Variants in TSHR observed in about 807,000 individuals in gnomAD.
TSHR encodes the protein thyroid stimulating hormone receptor, also known as thyrotropin receptor.
Under a neutral mutation model 64.1 loss-of-function variants are expected in TSHR, and 51 were observed. The ratio of observed to expected loss-of-function variants is 0.80; its 90% CI spans 0.64 to 1.01. TSHR has a LOEUF of 1.01. TSHR is among the 50% of genes least tolerant of loss of function. The pLI is 0.00. For synonymous variants in TSHR, 361 were observed against 361.9 expected (o/e 1.00, Z 0.03); for missense variants, 877 against 942.8 (o/e 0.93, Z 0.91).
chr14:81,052,016 G>C lies in TSHR; in HGVS notation c.171-10132G>C, dbSNP rs571958407. ...AGGTTTTCTTTTCACTCTGTTGATG[G>C]CTTCCTTTGCCATGCAAAAGATTTT... On this transcript the variant is annotated intron_variant, in intron 1 of 9. Coordinates refer to ENST00000298171, the MANE Select transcript of TSHR (RefSeq NM_000369.5). 5.9e-5 allele frequency: 9 copies of C among 152,158 alleles called. No individual in the cohort carries two copies. The South Asian group carries it at 1.0e-3, about 18-fold the overall frequency. The allele number at this position is 152,158 out of a possible 1,614,324, so 9.4% of individuals were successfully genotyped here. A position where few individuals can be genotyped will look rare whatever the true frequency, so the allele number is the denominator to read the frequency against.
intron 1 of TSHR, among the ~76,000 whole-genome samples, chr14:80,958,561 G>A (rs1488597309): frequency 1.3e-5 from 2 of 152,062 alleles, no homozygotes; most frequent in African/African-American, 4.8e-5. Context: ...AGGTTAGCAG[G>A]GAAAGGAAAG....
At chr14:81,029,405 G>T (rs1046381257) in intron 1 of TSHR, among the ~76,000 whole-genome samples, 9 of 152,084 alleles carry the variant, frequency 5.9e-5, no homozygotes, top group Non-Finnish European at 2.9e-5. Context: ...TAGCATGATA[G>T]TGAAGGGAGA....
At chr14:81,074,122 G>T (rs866652679) in intron 3 of TSHR, among the ~76,000 whole-genome samples, 4 of 151,832 alleles carry the variant, frequency 2.6e-5, no homozygotes, top group Non-Finnish European at 4.4e-5. Context: ...TTCCTAAACC[G>T]AAGGAAACTA....
chr14:81,018,790 T>G (rs1003968986), intron 1 of TSHR, among the ~76,000 whole-genome samples: 1 of 152,150 alleles, frequency 6.6e-6, no homozygotes, highest in East Asian at 1.9e-4. Flanking sequence ...TTTGAGAAAC[T>G]AGTCTGAAAA....
intron 6 of TSHR, among the ~76,000 whole-genome samples, chr14:81,092,920 A>G (rs1375966718): frequency 6.6e-6 from 1 of 152,190 alleles, no homozygotes; most frequent in Non-Finnish European, 1.5e-5. Flanking sequence ...TGTGTGGCAA[A>G]AACCGCAGTA....
chr14:81,135,603 A>C (rs908904740), intron 8 of TSHR, among the ~76,000 whole-genome samples: 7 of 152,196 alleles, frequency 4.6e-5, no homozygotes, highest in African/African-American at 1.7e-4. Context: ...GCACAATTTC[A>C]TGTTGTTGTA....
At chr14:81,020,433 T>C (rs904327346) in intron 1 of TSHR, among the ~76,000 whole-genome samples, 2 of 152,184 alleles carry the variant, frequency 1.3e-5, no homozygotes, top group Non-Finnish European at 2.9e-5. Flanking sequence ...CTCTGCCTCC[T>C]GTCAGATCAG....
At chr14:81,067,559 G>GAACCT (rs1212427591) in intron 2 of TSHR, among the ~76,000 whole-genome samples, 1 of 146,280 alleles carries the variant, frequency 6.8e-6, no homozygotes, top group Non-Finnish European at 1.5e-5. Flanking sequence ...ACATATGTAT[G>GAACCT]GCAGGTTCAA....
rs143312805 is a variant in TSHR at position 81,004,214 on chromosome 14, C to T, written c.170+48364C>T. ...TTACTCGTCTCCCCTCTCCCGACCC[C>T]GGTGGGTCAATAGATAGCACTTCAG... On this transcript the variant is annotated intron_variant, in intron 1 of 9. Transcript: ENST00000298171. 5.3e-5 allele frequency among the ~76,000 whole-genome samples: 8 copies of T among 152,270 alleles called. No homozygotes were observed. The East Asian group carries it at 9.6e-4, about 18-fold the overall frequency.
At chr14:81,099,569 A>C (rs924845936) in intron 7 of TSHR, 3 of 152,194 alleles carry the variant, frequency 2.0e-5, no homozygotes, top group African/African-American at 7.2e-5. Context: ...GGCAACTCAA[A>C]ACTCGAGGCA....
intron 8 of TSHR, among the ~76,000 whole-genome samples, chr14:81,136,764 C>T (rs1891472218): frequency 6.6e-6 from 1 of 152,308 alleles, no homozygotes; most frequent in South Asian, 2.1e-4. Context: ...TTCTCCTTGC[C>T]TGCCCAAGCA....
intron 8 of TSHR, among the ~76,000 whole-genome samples, chr14:81,127,505 G>A (rs565820556): frequency 4.6e-5 from 7 of 152,200 alleles, no homozygotes; most frequent in African/African-American, 1.7e-4. Flanking sequence ...TTGTGTTTCA[G>A]CTTCAGACTA....
chr14:81,123,752 G>C (rs1000504054), intron 8 of TSHR, among the ~76,000 whole-genome samples: 2 of 152,142 alleles, frequency 1.3e-5, no homozygotes, highest in Non-Finnish European at 2.9e-5. Flanking sequence ...GCAATATCTA[G>C]AGTCAGAGGA....
At chr14:80,970,778 G>A (rs2139701622) in intron 1 of TSHR, among the ~76,000 whole-genome samples, 1 of 152,326 alleles carries the variant, frequency 6.6e-6, no homozygotes, top group East Asian at 1.9e-4. Flanking sequence ...CTTTGTAAAA[G>A]GTAGAAAGGG....
intron 8 of TSHR, among the ~76,000 whole-genome samples, chr14:81,120,451 G>T (rs180750521): frequency 1.3e-4 from 20 of 152,094 alleles, no homozygotes; most frequent in African/African-American, 4.6e-4. Context: ...TTATAAATGG[G>T]ATTGTTTTCT....
intron 1 of TSHR, among the ~76,000 whole-genome samples, chr14:81,045,131 T>G (rs1465327513): frequency 6.6e-6 from 1 of 152,114 alleles, no homozygotes; most frequent in African/African-American, 2.4e-5. Context: ...ACTATCCTCA[T>G]CAAACTGATG....
intron 1 of TSHR, among the ~76,000 whole-genome samples, chr14:80,995,967 G>A (rs1172457505): frequency 5.3e-5 from 8 of 152,002 alleles, no homozygotes; most frequent in African/African-American, 1.9e-4. Context: ...TGCCATTGTC[G>A]ACACTCCTAA....
chr14:81,093,520 C>T (rs1427471514), intron 6 of TSHR: 1 of 152,266 alleles, frequency 6.6e-6, no homozygotes, highest in East Asian at 1.9e-4. Context: ...TTTCATTTCT[C>T]TGCTCACACT....
intron 1 of TSHR, among the ~76,000 whole-genome samples, chr14:81,031,222 G>A (rs1229598064): frequency 6.6e-6 from 1 of 152,084 alleles, no homozygotes; most frequent in Non-Finnish European, 1.5e-5. Flanking sequence ...AGAAAAGTAT[G>A]GGTTTCTTCC....
Sources: allele counts gnomAD v4.1 joint callset (sites outside exome capture counted in the v4.1 genomes callset), GRCh38; gene constraint gnomAD v4.1.1; transcripts MANE v1.5; gene names NCBI Gene and HGNC (gene_info 2026-07-23, HGNC 2026-07-21).